The following NSF variants were observed in gnomAD, a reference collection of about 807,000 sequenced individuals.
NSF encodes N-ethylmaleimide sensitive factor, vesicle fusing ATPase.
Under a neutral mutation model 50.3 loss-of-function variants are expected in NSF, and 14 were observed. The observed-to-expected ratio is 0.28, with a 90% CI of 0.18 to 0.44. The LOEUF is 0.44. Among genes scored for constraint, NSF ranks in the 20% least tolerant of loss-of-function variants. The probability of loss-of-function intolerance (pLI) is 1.00; values close to 1 mark genes in which losing one functional copy is unlikely to be tolerated. For synonymous variants in NSF, 109 were observed against 175.7 expected, an observed-to-expected ratio of 0.62 and a Z score of 3.00; for missense variants, 218 against 504.3, an observed-to-expected ratio of 0.43 and a Z score of 5.44.
chr17:46,721,773 C>A, intron 15 of NSF: 9 of 1,602,058 alleles, frequency 5.6e-6, no homozygotes, highest in Non-Finnish European at 7.7e-6. Flanking sequence ...AAGACCAAGT[C>A]CTCAAGGAAG....
intron 14 of NSF, among the ~76,000 whole-genome samples, chr17:46,712,917 G>C (rs892609316): frequency 3.9e-5 from 6 of 152,196 alleles, no homozygotes; most frequent in African/African-American, 9.6e-5. Context: ...CTCCTAAGAG[G>C]CTGAAAAAGA....
chr17:46,754,330 TA>T (rs943996941), intron 19 of NSF, among the ~76,000 whole-genome samples: 22 of 146,038 alleles, frequency 1.5e-4, no homozygotes, highest in South Asian at 2.2e-4. Flanking sequence ...GAAGAAATCT[TA>T]AAAAAAAAAG....
intron 15 of NSF, among the ~76,000 whole-genome samples, chr17:46,722,635 A>T (rs1309483506): frequency 6.6e-6 from 1 of 152,194 alleles, no homozygotes; most frequent in Non-Finnish European, 1.5e-5. Context: ...CCTGGGCCAG[A>T]AAGGGTGAAA....
In NSF at chr17:46,697,457, G is replaced by A. The variant is rs1330432029; in HGVS notation, c.1374+2795G>A. On this transcript the variant is annotated intron_variant, in intron 12 of 20. Transcript: ENST00000398238. The stretch of plus-strand genomic sequence containing the variant: ...AAACCCCTGACCTCGTGATCCGCCC[G>A]CCTCAGCCTCCCAAAATGTTGGGAT... Among the ~76,000 whole-genome samples, 12 of 148,706 alleles carry A rather than the reference G, an allele frequency of 8.1e-5. 1 individual carries two copies. The highest frequency in any genetic ancestry group is 2.3e-4 in the African/African-American group (9 of 39,270).
intron 17 of NSF, among the ~76,000 whole-genome samples, chr17:46,735,688 T>C (rs1173940659): frequency 6.6e-6 from 1 of 152,174 alleles, no homozygotes; most frequent in African/African-American, 2.4e-5. Context: ...CTCATGCCTG[T>C]AATCCCAGCA....
intron 2 of NSF, among the ~76,000 whole-genome samples, chr17:46,626,149 C>T (rs2058097424): frequency 7.7e-6 from 1 of 129,864 alleles, no homozygotes; most frequent in Admixed American, 8.0e-5. Flanking sequence ...TTGTTTTAGC[C>T]TGTTGAGAGA....
At chr17:46,724,897 G>A (rs2058871275) in intron 15 of NSF, among the ~76,000 whole-genome samples, 2 of 152,180 alleles carry the variant, frequency 1.3e-5, no homozygotes, top group South Asian at 2.1e-4. Context: ...ACTGCCCTGA[G>A]AGTGATTTCC....
intron 15 of NSF, among the ~76,000 whole-genome samples, chr17:46,717,477 C>T (rs1032452290): frequency 1.3e-5 from 2 of 152,146 alleles, no homozygotes; most frequent in African/African-American, 4.8e-5. Flanking sequence ...CTTTGGGAGG[C>T]TGAGGTGGGG....
At chr17:46,707,958 G>A (rs560588734) in intron 13 of NSF, among the ~76,000 whole-genome samples, 28 of 151,800 alleles carry the variant, frequency 1.8e-4, no homozygotes, top group Non-Finnish European at 3.1e-4. Flanking sequence ...ATTTGGATCC[G>A]GGAGGTGGAG....
intron 17 of NSF, among the ~76,000 whole-genome samples, chr17:46,741,154 A>G (rs1360212483): frequency 6.6e-6 from 1 of 152,190 alleles, no homozygotes; most frequent in Non-Finnish European, 1.5e-5. Context: ...CTCACTGGAC[A>G]TGAGAGCCTC....
intron 17 of NSF, among the ~76,000 whole-genome samples, chr17:46,734,659 C>A (rs2058982762): frequency 6.6e-6 from 1 of 151,990 alleles, no homozygotes; most frequent in South Asian, 2.1e-4. Context: ...TAAGATAATG[C>A]CTAGTGAAGC....
At position 46,676,233 on chromosome 17, in the gene NSF, C is replaced by CTTT. The variant is rs140135606; in HGVS notation, c.945+1634_945+1636dup. 1.4e-3 allele frequency among the ~76,000 whole-genome samples: 190 copies of CTTT among 135,550 alleles called. 1 individual carries two copies. The highest frequency in any genetic ancestry group is 5.2e-3 in the African/African-American group (178 of 34,108). 88.9% of individuals were successfully genotyped at this position (135,550 alleles called of 152,430 possible). A position where few individuals can be genotyped will look rare whatever the true frequency, so the allele number is the denominator to read the frequency against. On this transcript the variant is annotated intron_variant, in intron 9 of 20. Coordinates refer to ENST00000398238, the MANE Select transcript of NSF (RefSeq NM_006178.4). ...GAAATCTCCTATGGGAATTCTTCTT[C>CTTT]TTTTTTTTTTTTTTTTGAGATGGAG...
At chr17:46,635,965 A>G (rs1598654567) in intron 4 of NSF, among the ~76,000 whole-genome samples, 2 of 67,698 alleles carry the variant, frequency 3.0e-5, no homozygotes, top group Admixed American at 1.5e-4. Flanking sequence ...TAGTACCACT[A>G]CAGTATACAG....
chr17:46,715,486 A>G (rs1166402534), intron 15 of NSF, among the ~76,000 whole-genome samples: 2 of 152,168 alleles, frequency 1.3e-5, no homozygotes, highest in Non-Finnish European at 2.9e-5. Flanking sequence ...TAAATCATCT[A>G]TTCCTGTGCT....
intron 13 of NSF, among the ~76,000 whole-genome samples, chr17:46,709,226 TATAAA>T (rs1254870391): frequency 6.6e-6 from 1 of 152,100 alleles, no homozygotes; most frequent in Non-Finnish European, 1.5e-5. Context: ...GACTTTTAAA[TATAAA>T]ATAATCATTT....
In NSF at chr17:46,749,924, G is replaced by A; in HGVS notation, c.2043+17G>A. On this transcript the variant is annotated intron_variant, in intron 18 of 20. Transcript: ENST00000398238. The stretch of plus-strand genomic sequence containing the variant: ...GCTTTGGAGGTAAAAATGAGTCAAT[G>A]GATTGCACACTGTTTATAAGAAAGG... 2 of 1,612,508 alleles carry A rather than the reference G, an allele frequency of 1.2e-6. No individual in the cohort carries two copies. The highest frequency in any genetic ancestry group is 8.5e-7 in the Non-Finnish European group (1 of 1,179,212).
At chr17:46,749,036 C>T (rs1012911565) in intron 17 of NSF, among the ~76,000 whole-genome samples, 3 of 152,048 alleles carry the variant, frequency 2.0e-5, no homozygotes, top group Non-Finnish European at 4.4e-5. Flanking sequence ...TAATAAATCC[C>T]CATCTTCCAT....
chr17:46,727,221 G>T (rs2058898433), intron 16 of NSF, among the ~76,000 whole-genome samples: 1 of 152,158 alleles, frequency 6.6e-6, no homozygotes, highest in Non-Finnish European at 1.5e-5. Context: ...CTGTGTTGAA[G>T]TGCACTCCTA....
chr17:46,635,777 A>ATGTGTGTGTGTGTGTGTGTGTGTGTGTG (rs148930686), intron 4 of NSF, among the ~76,000 whole-genome samples: 3 of 116,704 alleles, frequency 2.6e-5, no homozygotes, highest in East Asian at 2.0e-4. Context: ...GGGAAAATAA[A>ATGTGTGTGTGTGTGTGTGTGTGTGTGTG]TGTGTGTGTG....
Sources: gnomAD v4.1 joint callset for allele counts (sites outside exome capture counted in the v4.1 genomes callset) on GRCh38, gnomAD v4.1.1 for gene constraint, MANE v1.5 for transcripts, NCBI Gene and HGNC (gene_info 2026-07-23, HGNC 2026-07-21) for gene names.